TRPM6: variants seen among roughly 807,000 people sequenced by gnomAD.
TRPM6 encodes the protein channel kinase 2.
A neutral mutation model predicts 247.6 loss-of-function variants in TRPM6; 111 were observed. That is an observed-to-expected ratio of 0.45 (90% CI 0.38 to 0.52). The LOEUF is 0.52. TRPM6 is among the 20% of genes least tolerant of loss of function. TRPM6 has a pLI of 0.00. For missense variants in TRPM6, 2,126 were observed against 2,421.5 expected, an observed-to-expected ratio of 0.88 and a Z score of 2.56; for synonymous variants, 892 against 853.8, an observed-to-expected ratio of 1.04 and a Z score of -0.78.
intron 11 of TRPM6, among the ~76,000 whole-genome samples, chr9:74,813,221 T>A (rs377080395): frequency 2.0e-5 from 3 of 152,172 alleles, no homozygotes; most frequent in African/African-American, 7.2e-5. Flanking sequence ...GGATTTTTGT[T>A]ACAAAATAAA....
chr9:74,852,451 CT>C (rs1830358219), intron 3 of TRPM6, among the ~76,000 whole-genome samples: 1 of 66,778 alleles, frequency 1.5e-5, no homozygotes, highest in African/African-American at 3.9e-5. Context: ...GCTCCCCCTC[CT>C]CCCTCTCCCT....
Position 74,887,842 on chromosome 9 carries a change from A to G in TRPM6, c.15T>C (p.Pro5=), listed in dbSNP as rs1356203064. ...AGCTTACCTGCAAGCGCTCCAAGACAGGTTGTTCTTTCATCTTTGATTTGC... is the reference window on the plus strand; with the variant it reads ...AGCTTACCTGCAAGCGCTCCAAGACGGGTTGTTCTTTCATCTTTGATTTGC... MKEQ[P]VLERLQSQKS... is the part of the protein sequence containing the mutation. Residue 5 remains proline (P), a synonymous_variant, in exon 1 of 39, where the codon CCT becomes CCC. Coordinates refer to ENST00000360774, the MANE Select transcript of TRPM6 (RefSeq NM_017662.5). 1 of 1,614,156 alleles carries G rather than the reference A, an allele frequency of 6.2e-7. No homozygotes were observed. The highest frequency in any genetic ancestry group is 1.7e-5 in the Admixed American group (1 of 60,024).
intron 36 of TRPM6, among the ~76,000 whole-genome samples, chr9:74,733,004 G>A (rs1367225521): frequency 6.6e-6 from 1 of 151,996 alleles, no homozygotes; most frequent in African/African-American, 2.4e-5. Flanking sequence ...GACCAGCCTG[G>A]CCAACACGGT....
intron 19 of TRPM6, among the ~76,000 whole-genome samples, chr9:74,789,930 C>T (rs1827838111): frequency 7.6e-6 from 1 of 130,936 alleles, no homozygotes; most frequent in Admixed American, 1.0e-4. Flanking sequence ...CATTGCACTC[C>T]AGCCTGGGTG....
At chr9:74,805,022 C>A (rs868261813) in intron 14 of TRPM6, among the ~76,000 whole-genome samples, 5 of 152,076 alleles carry the variant, frequency 3.3e-5, no homozygotes. Flanking sequence ...TTTAATTTTA[C>A]ATTAGCTGTA....
intron 6 of TRPM6, 57 bp downstream of exon 6, chr9:74,833,941 G>T: frequency 1.2e-6 from 2 of 1,607,692 alleles, no homozygotes; most frequent in Non-Finnish European, 1.7e-6. Context: ...ACAGTGTTAA[G>T]CTGGCAATTT....
At chr9:74,747,863 T>C (rs770783552) in intron 31 of TRPM6, 26 bp downstream of exon 31, 1 of 1,575,150 alleles carries the variant, frequency 6.3e-7, no homozygotes, top group Admixed American at 1.7e-5. Flanking sequence ...AAATAAAAAA[T>C]AAAATGTTTA....
At chr9:74,821,573 A>G in intron 8 of TRPM6, 96 bp downstream of exon 8, 1 of 1,418,520 alleles carries the variant, frequency 7.0e-7, no homozygotes, top group Non-Finnish European at 1.0e-6. Flanking sequence ...TCTATAATCC[A>G]AGAATATCTG....
In TRPM6 at chr9:74,775,882, C is replaced by T; in HGVS notation, c.3403+1G>A. 1 of 1,614,074 alleles carries T rather than the reference C, an allele frequency of 6.2e-7. No homozygotes were observed. Among genetic ancestry groups the T allele is most frequent in the Non-Finnish European group, 8.5e-7 (1 of 1,179,974 alleles). The stretch of plus-strand genomic sequence containing the variant: ...CTCCTGCCTCACATAGAACAACTTA[C>T]TTAATCCAACGTCACCCTCTTCTTG... On this transcript the variant is annotated splice_donor_variant, in intron 24 of 38. Transcript: ENST00000360774. LOFTEE classifies it high-confidence loss of function.
chr9:74,754,796 C>T (rs1826380108), intron 28 of TRPM6, among the ~76,000 whole-genome samples: 1 of 152,208 alleles, frequency 6.6e-6, no homozygotes, highest in South Asian at 2.1e-4. Flanking sequence ...AATCTGCCCT[C>T]ATCTTACCTG....
chr9:74,839,603 T>C (rs547942064), intron 5 of TRPM6, among the ~76,000 whole-genome samples: 4 of 152,166 alleles, frequency 2.6e-5, no homozygotes, highest in South Asian at 2.1e-4. Flanking sequence ...CTTGCTGTAG[T>C]TGGGAGCTCA....
intron 13 of TRPM6, 102 bp from the exon 14 acceptor site, chr9:74,808,276 CA>C: frequency 1.4e-6 from 2 of 1,405,008 alleles, no homozygotes; most frequent in Non-Finnish European, 2.0e-6. Flanking sequence ...AGAAGGTAGA[CA>C]TACCTTTTAA....
rs142969657 is a variant in TRPM6, at chr9:74,793,700, T to C, written c.2392-930A>G. Among the ~76,000 whole-genome samples the C allele has an allele frequency of 2.6e-5, 4 of 152,346 alleles. No homozygotes were observed. In the South Asian group the frequency reaches 6.2e-4, roughly 24 times the overall value. On this transcript the variant is annotated intron_variant, in intron 18 of 38. Coordinates refer to ENST00000360774, the MANE Select transcript of TRPM6 (RefSeq NM_017662.5). ...TTAGTTTTAGGATTCTGACCTTCGA[T>C]AGCATCCCCACTGATTTATAGCAGA...
chr9:74,738,701 C>T lies in TRPM6; in HGVS notation c.5571-89G>A. 10 of 1,130,882 alleles carry T rather than the reference C, an allele frequency of 8.8e-6. 1 individual carries two copies. In the South Asian group the frequency reaches 1.3e-4, roughly 15 times the overall value. The allele number at this position is 1,130,882 out of a possible 1,614,324, so 70.1% of individuals were successfully genotyped here. A position where few individuals can be genotyped will look rare whatever the true frequency, so the allele number is the denominator to read the frequency against. On this transcript the variant is annotated intron_variant, in intron 35 of 38. Coordinates refer to ENST00000360774, the MANE Select transcript of TRPM6 (RefSeq NM_017662.5). ...AGCAGTCATCAGCAGGGAAGATTAC[C>T]TAACTCTGGTATGATGCAGCCTCAA...
intron 18 of TRPM6, among the ~76,000 whole-genome samples, chr9:74,793,955 A>G (rs1376043838): frequency 6.6e-6 from 1 of 152,184 alleles, no homozygotes; most frequent in Non-Finnish European, 1.5e-5. Context: ...TGACTATACA[A>G]ACACCCATGC....
At chr9:74,807,767 A>T (rs1314307019) in intron 14 of TRPM6, among the ~76,000 whole-genome samples, 1 of 152,182 alleles carries the variant, frequency 6.6e-6, no homozygotes, top group East Asian at 1.9e-4. Context: ...TTTCTATGTC[A>T]CTATAGCATG....
At position 74,820,390 on chromosome 9, in the gene TRPM6, T is replaced by C. The variant is rs377609057; in HGVS notation, c.1048A>G (p.Met350Val). 2 of 1,614,046 alleles carry C rather than the reference T, an allele frequency of 1.2e-6. No homozygotes were observed. The highest frequency in any genetic ancestry group is 2.7e-5 in the African/African-American group (2 of 74,924). The change falls in exon 9 of 39, where the codon ATG (methionine) becomes GTG (valine). Residue 350 changes from methionine (M) to valine (V), a missense_variant. This residue lies in a region of TRPM6 where 1,082 missense variants were observed against 1,307.9 expected (regional missense o/e 0.83). Transcript: ENST00000360774. ...CTAAAGTTGAAAGTGTTCTGAATCA[T>C]GCAGATGATCTCCTCTTTCACCTGA... Reference protein sequence around the residue: ...RPQVKEEIICMIQNTFNFSLK... With the variant: ...RPQVKEEIICVIQNTFNFSLK...
chr9:74,882,559 G>C (rs1459721415), intron 1 of TRPM6, among the ~76,000 whole-genome samples: 1 of 152,124 alleles, frequency 6.6e-6, no homozygotes, highest in Non-Finnish European at 1.5e-5. Flanking sequence ...ACCACAATGA[G>C]ATATCATCTC....
chr9:74,746,557 C>G (rs890691977), intron 31 of TRPM6, among the ~76,000 whole-genome samples: 2 of 152,152 alleles, frequency 1.3e-5, no homozygotes, highest in East Asian at 3.9e-4. Flanking sequence ...GAATTGAGAT[C>G]CAGCTTTCAA....
Sources: allele counts gnomAD v4.1 joint callset (sites outside exome capture counted in the v4.1 genomes callset), GRCh38; gene constraint gnomAD v4.1.1; regional missense constraint gnomAD v4.1.1; transcripts MANE v1.5; gene names NCBI Gene and HGNC (gene_info 2026-07-23, HGNC 2026-07-21).